The following HIVEP2 variants were observed in gnomAD, a reference collection of about 807,000 sequenced individuals.
HIVEP2 encodes the protein HIVEP zinc finger 2, also known as transcription factor HIVEP2.
HIVEP2 carries 14 observed loss-of-function variants against 180.7 expected under a neutral mutation model. The ratio of observed to expected loss-of-function variants is 0.08; its 90% CI spans 0.05 to 0.12. The LOEUF (loss-of-function observed/expected upper bound fraction) is 0.12, where lower values mean the gene tolerates loss of function less well. Among genes scored for constraint, HIVEP2 ranks in the 10% least tolerant of loss-of-function variants. The pLI is 1.00. For missense variants in HIVEP2, 2,579 were observed against 3,008.5 expected, an observed-to-expected ratio of 0.86 and a Z score of 3.34; for synonymous variants, 1,184 against 1,136.4, an observed-to-expected ratio of 1.04 and a Z score of -0.84.
rs1254120845 is a variant in HIVEP2, at chr6:142,776,197, T to A, written c.-432-6A>T. The A allele has an allele frequency of 6.6e-6, 1 of 152,568 alleles. No homozygotes were observed. Among genetic ancestry groups the A allele is most frequent in the Non-Finnish European group, 1.5e-5 (1 of 68,028 alleles). 9.5% of individuals were successfully genotyped at this position (152,568 alleles called of 1,614,324 possible). A position where few individuals can be genotyped will look rare whatever the true frequency, so the allele number is the denominator to read the frequency against. ...CATGATTGTCCTGACGCTTCCTGGATACAAAATAAATGCAGTTAGGGAAAA... is the reference window on the plus strand; with the variant it reads ...CATGATTGTCCTGACGCTTCCTGGAAACAAAATAAATGCAGTTAGGGAAAA... On this transcript the variant is annotated splice_region_variant and splice_polypyrimidine_tract_variant and intron_variant, in intron 3 of 9. Transcript: ENST00000367603.
chr6:142,777,688 A>AAAAAAAG, intron 3 of HIVEP2, among the ~76,000 whole-genome samples: 1 of 123,190 alleles, frequency 8.1e-6, no homozygotes, highest in Non-Finnish European at 1.7e-5. Context: ...AAAAAAAAAA[A>AAAAAAAG]GTGGAACCTG....
intron 2 of HIVEP2, among the ~76,000 whole-genome samples, chr6:142,811,949 G>A (rs968744952): frequency 6.6e-6 from 1 of 152,188 alleles, no homozygotes; most frequent in Non-Finnish European, 1.5e-5. Flanking sequence ...AAGATGCTGG[G>A]AGCCACCTGG....
rs751452135 is a variant in HIVEP2 at position 142,769,910 on chromosome 6, C to A, written c.4829G>T (p.Arg1610Leu). Residue 1610 changes from arginine (R) to leucine (L), a missense_variant, in exon 5 of 10, where the codon CGC becomes CTC. Arg to Leu is a moderately radical substitution (Grantham distance 102). Around this residue, in one of 11 missense-constraint regions of HIVEP2, gnomAD observed 349 missense variants for 367.2 expected, o/e 0.95. Coordinates refer to ENST00000367603, the MANE Select transcript of HIVEP2 (RefSeq NM_006734.4). ...GTTCCCGCTGGGGGCAGAGGCCATG[C>A]GGACCAGCATGCCAACAGGCCGCTT... is the stretch of plus-strand genomic sequence containing the variant. Reference protein sequence around the residue: ...GHKRPVGMLVRMASAPSGNVA... With the variant: ...GHKRPVGMLVLMASAPSGNVA... 6.2e-7 allele frequency: 1 copy of A among 1,614,030 alleles called. No homozygotes were observed. Among genetic ancestry groups the A allele is most frequent in the Non-Finnish European group, 8.5e-7 (1 of 1,180,032 alleles).
chr6:142,882,211 T>C (rs908706456), intron 1 of HIVEP2, among the ~76,000 whole-genome samples: 6 of 152,176 alleles, frequency 3.9e-5, no homozygotes, highest in African/African-American at 1.4e-4. Flanking sequence ...ATCTATAAGG[T>C]GACTACAGTG....
chr6:142,755,400 G>C (rs1775039276), intron 9 of HIVEP2, among the ~76,000 whole-genome samples: 1 of 152,252 alleles, frequency 6.6e-6, no homozygotes, highest in South Asian at 2.1e-4. Context: ...TCAAACACCA[G>C]TTTGGGAGGA....
chr6:142,908,595 A>G (rs2128428483), intron 1 of HIVEP2, among the ~76,000 whole-genome samples: 1 of 152,256 alleles, frequency 6.6e-6, no homozygotes, highest in South Asian at 2.1e-4. Flanking sequence ...TTGGTAAGAA[A>G]ATACAGATGA....
chr6:142,823,181 GC>G (rs1211750440), intron 2 of HIVEP2, among the ~76,000 whole-genome samples: 2 of 152,098 alleles, frequency 1.3e-5, no homozygotes, highest in South Asian at 2.1e-4. Flanking sequence ...ATGCCCAGTT[GC>G]CCCCACAGAC....
chr6:142,897,997 G>A lies in HIVEP2; in HGVS notation c.-641+47102C>T, dbSNP rs139279196. On this transcript the variant is annotated intron_variant, in intron 1 of 9. Transcript: ENST00000367603. Reference sequence around the variant, plus strand: ...GCTCTCAACAAATGATTCTGGATGAGTGAACGAGCATGGCACCTCAGCCCC... The same window carrying A: ...GCTCTCAACAAATGATTCTGGATGAATGAACGAGCATGGCACCTCAGCCCC... Among the ~76,000 whole-genome samples, 1,373 of 152,272 alleles carry A rather than the reference G, an allele frequency of 9.0e-3. 22 individuals carry two copies. Among genetic ancestry groups the A allele is most frequent in the African/African-American group, 0.03 (1,251 of 41,552 alleles).
chr6:142,783,326 C>CAAAAAAAAAAAAA (rs567202980), intron 3 of HIVEP2, among the ~76,000 whole-genome samples, 195 bp downstream of exon 3: 1 of 71,046 alleles, frequency 1.4e-5, no homozygotes, highest in Non-Finnish European at 2.5e-5. Flanking sequence ...GACTCCGTCA[C>CAAAAAAAAAAAAA]AAAAAAAAAA....
At chr6:142,783,353 A>T (rs1217365724) in intron 3 of HIVEP2, among the ~76,000 whole-genome samples, 168 bp downstream of exon 3, 3 of 142,848 alleles carry the variant, frequency 2.1e-5, no homozygotes, top group Non-Finnish European at 4.6e-5. Flanking sequence ...AAAAAAAAAG[A>T]CTAGTCTACT....
intron 1 of HIVEP2, among the ~76,000 whole-genome samples, chr6:142,861,642 T>C (rs1271402620): frequency 6.6e-6 from 1 of 152,202 alleles, no homozygotes; most frequent in East Asian, 1.9e-4. Flanking sequence ...AAGAATCTGT[T>C]TGGGCTTTCT....
At chr6:142,903,651 G>A (rs897483147) in intron 1 of HIVEP2, among the ~76,000 whole-genome samples, 2 of 152,056 alleles carry the variant, frequency 1.3e-5, no homozygotes. Flanking sequence ...AATGACTCCG[G>A]TGGTTCCCAT....
intron 2 of HIVEP2, among the ~76,000 whole-genome samples, chr6:142,800,138 C>A (rs1309812160): frequency 6.6e-6 from 1 of 152,150 alleles, no homozygotes; most frequent in African/African-American, 2.4e-5. Context: ...CTGCATTTGG[C>A]TGGTGTGGAA....
intron 2 of HIVEP2, among the ~76,000 whole-genome samples, chr6:142,787,086 C>T (rs1776016557): frequency 6.6e-6 from 1 of 151,502 alleles, no homozygotes; most frequent in Non-Finnish European, 1.5e-5. Flanking sequence ...AAAGCAAGAC[C>T]CTATCTCTAT....
Position 142,819,347 on chromosome 6 carries a change from G to A in HIVEP2, c.-528+17588C>T, listed in dbSNP as rs943595658. On this transcript the variant is annotated intron_variant, in intron 2 of 9. Transcript: ENST00000367603. ...TTGTGTCTATGTGCATTTTCCTGGGGAAAAGAGTCAGGAGCTTTTATGAAT... is the reference window on the plus strand; with the variant it reads ...TTGTGTCTATGTGCATTTTCCTGGGAAAAAGAGTCAGGAGCTTTTATGAAT... Among the ~76,000 whole-genome samples, 3 of 152,146 alleles carry A rather than the reference G, an allele frequency of 2.0e-5. No individual in the cohort carries two copies. In the East Asian group the frequency reaches 5.8e-4, roughly 29 times the overall value.
chr6:142,764,007 G>A (rs1344378828), intron 7 of HIVEP2, among the ~76,000 whole-genome samples: 1 of 152,102 alleles, frequency 6.6e-6, no homozygotes, highest in Non-Finnish European at 1.5e-5. Flanking sequence ...AAAATTTAAA[G>A]TGTTGAGGGG....
intron 1 of HIVEP2, among the ~76,000 whole-genome samples, chr6:142,887,311 G>A (rs1349059015): frequency 1.3e-5 from 2 of 151,850 alleles, no homozygotes; most frequent in East Asian, 3.9e-4. Flanking sequence ...ATTTGCCAAA[G>A]AAGAAAGAAT....
chr6:142,813,543 T>C lies in HIVEP2; in HGVS notation c.-528+23392A>G, dbSNP rs548225103. ...CAATCATGTATAAGATATAAGACAT[T>C]ATGTCTGGATGCTCCATCATCAGTT... is the stretch of plus-strand genomic sequence containing the variant. On this transcript the variant is annotated intron_variant, in intron 2 of 9. Transcript: ENST00000367603. 3.9e-5 allele frequency among the ~76,000 whole-genome samples: 6 copies of C among 152,068 alleles called. No individual in the cohort carries two copies. The South Asian group carries it at 8.3e-4, about 21-fold the overall frequency.
intron 1 of HIVEP2, among the ~76,000 whole-genome samples, chr6:142,843,203 C>G (rs1470706056): frequency 2.0e-5 from 3 of 152,112 alleles, no homozygotes; most frequent in Non-Finnish European, 4.4e-5. Flanking sequence ...GATAAGTTCG[C>G]TGGTCTACAC....
Sources: gnomAD v4.1 joint callset for allele counts (sites outside exome capture counted in the v4.1 genomes callset) on GRCh38, gnomAD v4.1.1 for gene constraint, gnomAD v4.1.1 regional missense constraint, MANE v1.5 for transcripts, NCBI Gene and HGNC (gene_info 2026-07-23, HGNC 2026-07-21) for gene names.